Variants in KIF2C observed in about 807,000 individuals in gnomAD.
KIF2C encodes the protein kinesin-like protein KIF2C.
KIF2C carries 34 observed loss-of-function variants against 97.4 expected under a neutral mutation model. That is an observed-to-expected ratio of 0.35 (90% confidence interval 0.27 to 0.46). The LOEUF is 0.46. KIF2C is among the 20% of genes least tolerant of loss of function. The pLI is 1.00. For missense variants in KIF2C, 750 were observed against 907.6 expected (o/e 0.83, Z 2.23); for synonymous variants, 313 against 318.2 (o/e 0.98, Z 0.17).
In KIF2C at chr1:44,753,843, T is replaced by C. The variant is rs1327524989; in HGVS notation, c.663+10T>C. 1 of 1,563,252 alleles carries C rather than the reference T, an allele frequency of 6.4e-7. No homozygotes were observed. Among genetic ancestry groups the C allele is most frequent in the Admixed American group, 1.8e-5 (1 of 56,266 alleles). On this transcript the variant is annotated intron_variant, in intron 7 of 20. Transcript: ENST00000372224. Reference sequence around the variant, plus strand: ...AATGAAGAGAGCTCAGGTACCTTTCTTGGGAGACTAGGGTAAGGGTTTTTG... The same window carrying C: ...AATGAAGAGAGCTCAGGTACCTTTCCTGGGAGACTAGGGTAAGGGTTTTTG...
chr1:44,749,878 A>T (rs1275816459), intron 4 of KIF2C, among the ~76,000 whole-genome samples: 1 of 151,754 alleles, frequency 6.6e-6, no homozygotes, highest in African/African-American at 2.4e-5. Flanking sequence ...AGAGATTGAG[A>T]CCATGCTGGC....
At chr1:44,741,411 G>T (rs1648930471) in intron 2 of KIF2C, among the ~76,000 whole-genome samples, 1 of 151,578 alleles carries the variant, frequency 6.6e-6, no homozygotes, top group Non-Finnish European at 1.5e-5. Context: ...TTGGCTGGGT[G>T]CGGTGGCTCT....
rs1322628398 is a variant in KIF2C, at chr1:44,767,387, C to A, written c.*208C>A. On this transcript the variant is annotated 3_prime_UTR_variant, in exon 21 of 21. Transcript: ENST00000372224. ...TCCTTTTCTGTTCCTCAGTTGTCGC[C>A]CTCACGAGAGGAAGGAGCTCTTAGT... 3.9e-6 allele frequency: 2 copies of A among 507,600 alleles called. No individual in the cohort carries two copies. The highest frequency in any genetic ancestry group is 7.2e-6 in the Non-Finnish European group (2 of 277,832). 31.4% of individuals were successfully genotyped at this position (507,600 alleles called of 1,614,324 possible).
chr1:44,743,022 TG>T (rs1649013731), intron 2 of KIF2C, among the ~76,000 whole-genome samples: 1 of 152,142 alleles, frequency 6.6e-6, no homozygotes, highest in South Asian at 2.1e-4. Context: ...ATGGCACACA[TG>T]GGGACCATGA....
In KIF2C at chr1:44,739,930, C is replaced by T. The variant is rs371334228; in HGVS notation, c.-3C>T. 1.9e-6 allele frequency: 3 copies of T among 1,614,020 alleles called. No homozygotes were observed. The highest frequency in any genetic ancestry group is 2.2e-5 in the South Asian group (2 of 91,080). Reference sequence around the variant, plus strand: ...GCGTTTCTCTTCCTTGCTGACTCTCCGAATGGCCATGGACTCGTCGCTTCA... The same window carrying T: ...GCGTTTCTCTTCCTTGCTGACTCTCTGAATGGCCATGGACTCGTCGCTTCA... On this transcript the variant is annotated 5_prime_UTR_variant, in exon 1 of 21. Transcript: ENST00000372224.
intron 17 of KIF2C, 69 bp from the exon 18 acceptor site, chr1:44,762,277 G>T (rs1396074828): frequency 7.3e-7 from 1 of 1,375,556 alleles, no homozygotes; most frequent in East Asian, 2.3e-5. Context: ...CGAAGCCTGG[G>T]CGGTGCCACA....
chr1:44,746,981 TC>T, intron 2 of KIF2C, among the ~76,000 whole-genome samples: 1 of 150,026 alleles, frequency 6.7e-6, no homozygotes, highest in South Asian at 2.2e-4. Context: ...CAATGCAACC[TC>T]CGCCTCCTGG....
intron 10 of KIF2C, 113 bp from the exon 11 acceptor site, chr1:44,757,443 T>A: frequency 1.4e-6 from 1 of 715,972 alleles, no homozygotes; most frequent in Admixed American, 2.1e-5. Flanking sequence ...AGGAGAGGAG[T>A]GCTATTCTTA....
At chr1:44,755,826 TG>T in intron 8 of KIF2C, 102 bp from the exon 9 acceptor site, 2 of 1,053,250 alleles carry the variant, frequency 1.9e-6, no homozygotes, top group Non-Finnish European at 1.5e-6. Context: ...GGCCTCTGAC[TG>T]GGCCAGACAT....
Position 44,759,345 on chromosome 1 carries a change from G to A in KIF2C, c.1364G>A (p.Cys455Tyr), listed in dbSNP as rs761698577. The A allele has an allele frequency of 1.2e-6, 2 of 1,614,108 alleles. No individual in the cohort carries two copies. Among genetic ancestry groups the A allele is most frequent in the South Asian group, 2.2e-5 (2 of 91,080 alleles). Residue 455 changes from cysteine (C) to tyrosine (Y), a missense_variant, in exon 14 of 21, where the codon TGC (cysteine) becomes TAC (tyrosine). Physicochemically the swap from Cys to Tyr is radical, Grantham distance 194. Transcript: ENST00000372224. Reference protein sequence around the residue: ...VIKMIDMGSACRTSGQTFANS... With the variant: ...VIKMIDMGSAYRTSGQTFANS... Reference sequence around the variant, plus strand: ...AAGATGATCGACATGGGCAGCGCCTGCAGGTGAGAGTCCTGGTGAGGGGAA... The same window carrying A: ...AAGATGATCGACATGGGCAGCGCCTACAGGTGAGAGTCCTGGTGAGGGGAA...
chr1:44,741,149 G>T, intron 2 of KIF2C, 142 bp downstream of exon 2: 1 of 598,356 alleles, frequency 1.7e-6, no homozygotes, highest in Non-Finnish European at 2.9e-6. Flanking sequence ...TTGGGAGGCT[G>T]AGACGGGCAG....
At chr1:44,743,705 T>A (rs1370643525) in intron 2 of KIF2C, among the ~76,000 whole-genome samples, 1 of 152,152 alleles carries the variant, frequency 6.6e-6, no homozygotes, top group East Asian at 1.9e-4. Flanking sequence ...GGCAGGAGGA[T>A]TGCTTGAGCC....
chr1:44,744,537 TCCTTTCTC>T (rs1217783180), intron 2 of KIF2C, among the ~76,000 whole-genome samples: 4 of 152,216 alleles, frequency 2.6e-5, no homozygotes, highest in African/African-American at 9.6e-5. Context: ...ACACTCTTAT[TCCTTTCTC>T]CTGGGATGTT....
intron 5 of KIF2C, among the ~76,000 whole-genome samples, chr1:44,751,278 T>G (rs1454052126): frequency 6.6e-6 from 1 of 151,492 alleles, no homozygotes; most frequent in Non-Finnish European, 1.5e-5. Flanking sequence ...TTACTGCAAC[T>G]TCCGCCTCCT....
At chr1:44,741,379 C>CACA (rs1648927298) in intron 2 of KIF2C, among the ~76,000 whole-genome samples, 1 of 58,494 alleles carries the variant, frequency 1.7e-5, no homozygotes, top group Non-Finnish European at 3.5e-5. Context: ...GAATCTGTCT[C>CACA]AAAAAAAAAA....
chr1:44,742,718 C>CAAAAA (rs5773851), intron 2 of KIF2C, among the ~76,000 whole-genome samples: 3 of 87,352 alleles, frequency 3.4e-5, no homozygotes, highest in African/African-American at 1.0e-4. Flanking sequence ...AACTTCGTCT[C>CAAAAA]AAAAAAAAAA....
At chr1:44,747,606 G>A in intron 3 of KIF2C, 46 bp from the exon 4 acceptor site, 3 of 1,599,628 alleles carry the variant, frequency 1.9e-6, no homozygotes, top group Admixed American at 1.7e-5. Context: ...GGGCCCTTGA[G>A]AATTGATAAG....
In KIF2C at chr1:44,767,099, G is replaced by A; in HGVS notation, c.2098G>A (p.Val700Ile). ...TGTACCGCTACCCTTTCTTCCAGAT[G>A]TCATCAAGGCCTTGCGCCTGGCCAT... ...QAKHFSALRD[V>I]IKALRLAMQL... Residue 700 changes from valine (V) to isoleucine (I), a missense_variant and splice_region_variant, in exon 21 of 21, where the codon GTC (valine) becomes ATC (isoleucine). Val to Ile is a conservative substitution (Grantham distance 29). Coordinates refer to ENST00000372224, the MANE Select transcript of KIF2C (RefSeq NM_006845.4). 6.2e-7 allele frequency: 1 copy of A among 1,614,066 alleles called. No homozygotes were observed. Among genetic ancestry groups the A allele is most frequent in the Non-Finnish European group, 8.5e-7 (1 of 1,179,962 alleles).
chr1:44,766,498 C>T (rs1396106101), intron 19 of KIF2C, among the ~76,000 whole-genome samples: 1 of 152,068 alleles, frequency 6.6e-6, no homozygotes, highest in Non-Finnish European at 1.5e-5. Flanking sequence ...GTAATCCCAG[C>T]TACTTGGGAG....
Sources: allele counts gnomAD v4.1 joint callset (sites outside exome capture counted in the v4.1 genomes callset), GRCh38; gene constraint gnomAD v4.1.1; transcripts MANE v1.5; gene names NCBI Gene and HGNC (gene_info 2026-07-23, HGNC 2026-07-21).